The following EP400 variants were observed in gnomAD, a reference collection of about 807,000 sequenced individuals.
The protein encoded by EP400 is E1A-binding protein p400.
A neutral mutation model predicts 354.1 loss-of-function variants in EP400; 105 were observed. The observed-to-expected ratio is 0.30, with a 90% CI of 0.25 to 0.35. The LOEUF (loss-of-function observed/expected upper bound fraction) is 0.35, where lower values mean the gene tolerates loss of function less well. Among genes scored for constraint, EP400 ranks in the 10% least tolerant of loss-of-function variants. EP400 has a pLI of 1.00. For synonymous variants in EP400, 1,646 were observed against 1,716.9 expected, an observed-to-expected ratio of 0.96 and a Z score of 1.02; for missense variants, 3,280 against 4,121.0, an observed-to-expected ratio of 0.80 and a Z score of 5.59.
At chr12:132,056,033 G>C (rs1023599872) in intron 45 of EP400, among the ~76,000 whole-genome samples, 3 of 151,914 alleles carry the variant, frequency 2.0e-5, no homozygotes, top group Middle Eastern at 3.2e-3. Context: ...GACCCCAGGT[G>C]TGGGAAGCGG....
intron 12 of EP400, among the ~76,000 whole-genome samples, chr12:131,998,318 A>G (rs2136513316): frequency 1.3e-5 from 2 of 152,298 alleles, no homozygotes; most frequent in East Asian, 3.9e-4. Flanking sequence ...AGAAAAACCT[A>G]TTGGGAGTTT....
At chr12:132,047,223 C>T (rs1477530161) in intron 39 of EP400, among the ~76,000 whole-genome samples, 1 of 152,128 alleles carries the variant, frequency 6.6e-6, no homozygotes, top group Non-Finnish European at 1.5e-5. Flanking sequence ...CTTCGTAATA[C>T]CACTTTGTGG....
chr12:131,981,911 T>A (rs898920370), intron 4 of EP400, among the ~76,000 whole-genome samples, 182 bp from the exon 5 acceptor site: 2 of 152,206 alleles, frequency 1.3e-5, no homozygotes, highest in Non-Finnish European at 2.9e-5. Context: ...TGCTTGATGC[T>A]GACTTGCAAA....
At position 132,023,922 on chromosome 12, in the gene EP400, C is replaced by T. The variant is rs200810378; in HGVS notation, c.4836C>T (p.Gly1612=). 8 of 1,606,332 alleles carry T rather than the reference C, an allele frequency of 5.0e-6. No individual in the cohort carries two copies. Among genetic ancestry groups the T allele is most frequent in the East Asian group, 2.2e-5 (1 of 44,658 alleles). Reference sequence around the variant, plus strand: ...GCCAGCTCCGGCAGCTCACAGCGGGCCAGCCGCTGCAGCTGCAAGGTAAGG... The same window carrying T: ...GCCAGCTCCGGCAGCTCACAGCGGGTCAGCCGCTGCAGCTGCAAGGTAAGG... ...SHSQLRQLTA[G]QPLQLQGSVL... is the part of the protein sequence containing the mutation. Residue 1612 remains glycine, a synonymous_variant, in exon 24 of 53, where the codon GGC becomes GGT. Coordinates refer to ENST00000389561, the MANE Select transcript of EP400 (RefSeq NM_015409.5).
intron 1 of EP400, among the ~76,000 whole-genome samples, chr12:131,958,235 C>T (rs1891768026): frequency 1.3e-5 from 2 of 152,124 alleles, no homozygotes; most frequent in Non-Finnish European, 2.9e-5. Context: ...TTGTTAACTG[C>T]CCCCACCTGG....
In EP400 at chr12:131,986,562, C is replaced by T. The variant is rs149631388; in HGVS notation, c.1978C>T (p.Arg660Trp). The change falls in exon 6 of 53, where the codon CGG becomes TGG. Residue 660 changes from arginine (R) to tryptophan (W), a missense_variant. Arg to Trp is a moderately radical substitution (Grantham distance 101). Coordinates refer to ENST00000389561, the MANE Select transcript of EP400 (RefSeq NM_015409.5). The part of the protein sequence containing the change: ...LPVDPAPPCP[R>W]PLPTSSTSSL... ...TGTGGACCCTGCCCCGCCCTGCCCA[C>T]GGCCTCTGCCCACCTCTTCTACCTC... 2.4e-5 allele frequency: 38 copies of T among 1,613,768 alleles called. No homozygotes were observed. The African/African-American group carries it at 3.7e-4, about 16-fold the overall frequency.
chr12:132,011,378 C>T lies in EP400; in HGVS notation c.3305-120C>T, dbSNP rs1163029076. On this transcript the variant is annotated intron_variant, in intron 15 of 52. Transcript: ENST00000389561. ...TGTTCCCCCCCAAGTCTGCCTCAGT[C>T]GTGCGATGGCTCATGTGACACATAC... 8.8e-6 allele frequency: 11 copies of T among 1,251,528 alleles called. No homozygotes were observed. In the South Asian group the frequency reaches 1.1e-4, roughly 12 times the overall value. The allele number at this position is 1,251,528 out of a possible 1,614,324, so 77.5% of individuals were successfully genotyped here.
intron 2 of EP400, among the ~76,000 whole-genome samples, chr12:131,971,917 T>C (rs1892299323): frequency 6.6e-6 from 1 of 152,286 alleles, no homozygotes; most frequent in African/African-American, 2.4e-5. Context: ...TTAATTTTAC[T>C]GTGCTTTGGA....
rs1173574150 is a variant in EP400, at chr12:132,078,644, C to T, written c.*971C>T. On this transcript the variant is annotated 3_prime_UTR_variant, in exon 53 of 53. Transcript: ENST00000389561. ...AGCCAGGACGAATGTGACAGACACCCCTTGCTGCCACAGTCAGCCCTTTGA... is the reference window on the plus strand; with the variant it reads ...AGCCAGGACGAATGTGACAGACACCTCTTGCTGCCACAGTCAGCCCTTTGA... 1 of 152,274 alleles carries T rather than the reference C, an allele frequency of 6.6e-6. No homozygotes were observed. 9.4% of individuals were successfully genotyped at this position (152,274 alleles called of 1,614,324 possible).
chr12:132,065,162 C>T (rs371792065), intron 48 of EP400: 2 of 571,176 alleles, frequency 3.5e-6, no homozygotes, highest in Non-Finnish European at 6.1e-6. Context: ...ATGCAGCCTG[C>T]GTGGCTTCCC....
Position 131,979,721 on chromosome 12 carries a change from G to A in EP400, c.1363G>A (p.Ala455Thr). The change falls in exon 3 of 53, where the codon GCA becomes ACA. Residue 455 changes from alanine (A) to threonine (T), a missense_variant. By Grantham distance (58) the Ala-to-Thr change is moderately conservative. Transcript: ENST00000389561. ...GCAAGCCCTCGCAGGGAGCCTGGTA[G>A]CAGGGGCCGGAAGCACAGTAGAGAC... ...EQQALAGSLVAGAGSTVETDL... is the reference protein window; with the variant it reads ...EQQALAGSLVTGAGSTVETDL... The A allele has an allele frequency of 6.2e-7, 1 of 1,608,974 alleles. No homozygotes were observed. Among genetic ancestry groups the A allele is most frequent in the Non-Finnish European group, 8.5e-7 (1 of 1,177,560 alleles).
intron 29 of EP400, chr12:132,031,159 A>T: frequency 2.1e-6 from 1 of 473,638 alleles, no homozygotes; most frequent in African/African-American, 2.0e-5. Context: ...AAAGTATTCA[A>T]GTCATCTCCC....
At chr12:131,992,379 G>C (rs956726272) in intron 11 of EP400, 149 bp downstream of exon 11, 2 of 754,296 alleles carry the variant, frequency 2.7e-6, no homozygotes, top group Admixed American at 2.4e-5. Flanking sequence ...TCAGTGTATA[G>C]AGTACTTTTT....
rs1004994095 is a variant in EP400, at chr12:132,018,448, G to A, written c.4277+72G>A. Reference sequence around the variant, plus strand: ...CCACAGCTGACCCAGGTCTATGCGTGGTGAAAAGAAAGGCTGCTAATGTAG... The same window carrying A: ...CCACAGCTGACCCAGGTCTATGCGTAGTGAAAAGAAAGGCTGCTAATGTAG... On this transcript the variant is annotated intron_variant, in intron 21 of 52. Transcript: ENST00000389561. The surrounding 1 kb of genome is among the most constrained non-coding windows in gnomAD (Gnocchi z 4.0). 6 of 1,526,784 alleles carry A rather than the reference G, an allele frequency of 3.9e-6. No homozygotes were observed. The highest frequency in any genetic ancestry group is 5.3e-6 in the Non-Finnish European group (6 of 1,142,396). 94.6% of individuals were successfully genotyped at this position (1,526,784 alleles called of 1,614,324 possible).
In EP400 at chr12:132,018,344, C is replaced by G; in HGVS notation, c.4245C>G (p.Ala1415=). 1.9e-6 allele frequency: 3 copies of G among 1,610,078 alleles called. No individual in the cohort carries two copies. Among genetic ancestry groups the G allele is most frequent in the Non-Finnish European group, 2.5e-6 (3 of 1,178,936 alleles). Residue 1415 remains alanine (A), a synonymous_variant, in exon 21 of 53, where the codon GCC becomes GCG. Coordinates refer to ENST00000389561, the MANE Select transcript of EP400 (RefSeq NM_015409.5). This position sits in a 1 kb window ranked among gnomAD's most constrained non-coding sequence, Gnocchi z 4.0. ...EEISTSAAPA[A]RPAAAKLKAS... Reference sequence around the variant, plus strand: ...TCTCCACTTCAGCAGCCCCAGCAGCCCGACCAGCAGCAGCAAAGCTGAAGG... The same window carrying G: ...TCTCCACTTCAGCAGCCCCAGCAGCGCGACCAGCAGCAGCAAAGCTGAAGG...
chr12:131,978,875 A>G (rs571420675), intron 2 of EP400, among the ~76,000 whole-genome samples: 2 of 152,124 alleles, frequency 1.3e-5, no homozygotes, highest in East Asian at 3.9e-4. Context: ...TATATATCTC[A>G]CATATTTATA....
chr12:131,999,200 C>T (rs1027015549), intron 12 of EP400, among the ~76,000 whole-genome samples: 6 of 152,000 alleles, frequency 3.9e-5, no homozygotes, highest in Admixed American at 1.3e-4. Context: ...CTGAGCTCTC[C>T]GTGGTGTTTT....
At chr12:132,066,089 A>G (rs762371770) in intron 48 of EP400, 5 of 152,224 alleles carry the variant, frequency 3.3e-5, no homozygotes, top group Non-Finnish European at 5.9e-5. Flanking sequence ...ATATTAAGCA[A>G]TTTTGAAAGT....
intron 23 of EP400, among the ~76,000 whole-genome samples, chr12:132,022,818 T>G (rs2136544703): frequency 6.6e-6 from 1 of 152,236 alleles, no homozygotes; most frequent in East Asian, 1.9e-4. Flanking sequence ...CTCACACCTG[T>G]AGGCCCAGCT....
Sources: gnomAD v4.1 joint callset for allele counts (sites outside exome capture counted in the v4.1 genomes callset) on GRCh38, gnomAD v4.1.1 for gene constraint, Gnocchi (gnomAD v3.1) non-coding constraint, MANE v1.5 for transcripts, NCBI Gene and HGNC (gene_info 2026-07-23, HGNC 2026-07-21) for gene names.